PTPRT: variants seen among roughly 807,000 people sequenced by gnomAD.
The protein encoded by PTPRT is protein tyrosine phosphatase receptor type T, also known as receptor-type tyrosine-protein phosphatase T.
A neutral mutation model predicts 176.8 loss-of-function variants in PTPRT; 56 were observed. That is an observed-to-expected ratio of 0.32 (90% CI 0.26 to 0.40). The LOEUF (loss-of-function observed/expected upper bound fraction) is 0.40. Among genes scored for constraint, PTPRT ranks in the 10% least tolerant of loss-of-function variants. The pLI is 1.00. For synonymous variants in PTPRT, 783 were observed against 739.0 expected, an observed-to-expected ratio of 1.06 and a Z score of -0.96; for missense variants, 1,540 against 1,908.2, an observed-to-expected ratio of 0.81 and a Z score of 3.60.
intron 1 of PTPRT, among the ~76,000 whole-genome samples, chr20:42,983,093 C>T (rs1983373414): frequency 6.6e-6 from 1 of 152,222 alleles, no homozygotes; most frequent in South Asian, 2.1e-4. Context: ...CACTTCCCCA[C>T]TGGGTGCTTT....
intron 16 of PTPRT, among the ~76,000 whole-genome samples, chr20:42,162,258 C>T (rs1989635025): frequency 6.6e-6 from 1 of 152,178 alleles, no homozygotes; most frequent in African/African-American, 2.4e-5. Flanking sequence ...GGGCCTCTTC[C>T]TTCAGTGCTG....
chr20:42,397,542 G>A (rs1298283287), intron 9 of PTPRT, among the ~76,000 whole-genome samples: 1 of 152,180 alleles, frequency 6.6e-6, no homozygotes, highest in Non-Finnish European at 1.5e-5. Flanking sequence ...CCATTTATAA[G>A]TGAGAACATT....
rs1488326709 is a variant in PTPRT, at chr20:42,610,659, CTGT to C, written c.1153+67204_1153+67206del. 1.1e-4 allele frequency among the ~76,000 whole-genome samples: 17 copies of C among 152,096 alleles called. No homozygotes were observed. In the South Asian group the frequency reaches 3.3e-3, roughly 30 times the overall value. On this transcript the variant is annotated intron_variant, in intron 7 of 30. Coordinates refer to ENST00000373187, the MANE Select transcript of PTPRT (RefSeq NM_007050.6). The stretch of plus-strand genomic sequence containing the variant: ...TGTGTCAGGCACATTTTTTCTTTTT[CTGT>C]TGTTGTTGTGGGGGATAACACCCTT...
intron 1 of PTPRT, among the ~76,000 whole-genome samples, chr20:43,114,877 G>C (rs1266267422): frequency 6.6e-6 from 1 of 152,088 alleles, no homozygotes; most frequent in East Asian, 1.9e-4. Context: ...TATTAATGGA[G>C]TGGGAAGCCT....
rs1175548682 is a variant in PTPRT, at chr20:42,472,152, G to A, written c.1450+114C>T. 3.4e-6 allele frequency: 4 copies of A among 1,185,870 alleles called. No individual in the cohort carries two copies. The Admixed American group carries it at 7.2e-5, about 21-fold the overall frequency. The allele number at this position is 1,185,870 out of a possible 1,614,324, so 73.5% of individuals were successfully genotyped here. A position where few individuals can be genotyped will look rare whatever the true frequency, so the allele number is the denominator to read the frequency against. On this transcript the variant is annotated intron_variant, in intron 8 of 30. Transcript: ENST00000373187. ...ATTGAAGGCCTAAGAAAAGAAAGGT[G>A]TGTGTGAGGGAATTAAAAATGTAGG...
At chr20:42,916,879 A>C (rs2145944683) in intron 1 of PTPRT, among the ~76,000 whole-genome samples, 1 of 152,276 alleles carries the variant, frequency 6.6e-6, no homozygotes, top group Non-Finnish European at 1.5e-5. Flanking sequence ...TCAGATGAGT[A>C]GGTTGCAAAA....
chr20:42,090,684 C>G (rs912191151), intron 27 of PTPRT, among the ~76,000 whole-genome samples: 3 of 152,160 alleles, frequency 2.0e-5, no homozygotes, highest in Admixed American at 6.5e-5. Flanking sequence ...ACGTAAGCAT[C>G]TGCGATTTAT....
At chr20:42,632,626 AT>A (rs1252577005) in intron 7 of PTPRT, among the ~76,000 whole-genome samples, 1 of 150,336 alleles carries the variant, frequency 6.7e-6, no homozygotes, top group Non-Finnish European at 1.5e-5. Context: ...TGTATTACTA[AT>A]TTTATATATT....
chr20:42,409,481 C>CAA lies in PTPRT; in HGVS notation c.1560+38737_1560+38738dup, dbSNP rs58932390. 7.7e-4 allele frequency among the ~76,000 whole-genome samples: 86 copies of CAA among 112,142 alleles called. 5 individuals are homozygous for CAA. Among genetic ancestry groups the CAA allele is most frequent in the East Asian group, 2.1e-3 (7 of 3,324 alleles). The allele number at this position is 112,142 out of a possible 152,430, so 73.6% of individuals were successfully genotyped here. A position where few individuals can be genotyped will look rare whatever the true frequency, so the allele number is the denominator to read the frequency against. ...TGGGCAACAGAACGAGACTCTGTCG[C>CAA]AAAAAAAAAAAAAAAAAAAAAAAAA... On this transcript the variant is annotated intron_variant, in intron 9 of 30. Coordinates refer to ENST00000373187, the MANE Select transcript of PTPRT (RefSeq NM_007050.6).
intron 1 of PTPRT, among the ~76,000 whole-genome samples, chr20:42,917,721 C>G (rs1468618192): frequency 6.6e-6 from 1 of 152,086 alleles, no homozygotes; most frequent in Admixed American, 6.6e-5. Flanking sequence ...GATGAGACAG[C>G]TACTACTGCC....
At chr20:42,686,961 T>G (rs2075707546) in intron 6 of PTPRT, among the ~76,000 whole-genome samples, 2 of 152,200 alleles carry the variant, frequency 1.3e-5, no homozygotes, top group Non-Finnish European at 2.9e-5. Flanking sequence ...TTACTTAACC[T>G]CTTTGTGTCT....
intron 7 of PTPRT, among the ~76,000 whole-genome samples, chr20:42,562,313 A>G (rs145679008): frequency 6.6e-6 from 1 of 152,310 alleles, no homozygotes; most frequent in African/African-American, 2.4e-5. Flanking sequence ...CAACATGAGT[A>G]GTTTTGCCTG....
At chr20:42,896,042 G>A (rs968794896) in intron 1 of PTPRT, among the ~76,000 whole-genome samples, 3 of 152,104 alleles carry the variant, frequency 2.0e-5, no homozygotes, top group Non-Finnish European at 2.9e-5. Flanking sequence ...CTAGCCCTAC[G>A]GATAAGGGAT....
chr20:42,440,345 G>A (rs2059301512), intron 9 of PTPRT, among the ~76,000 whole-genome samples: 1 of 152,142 alleles, frequency 6.6e-6, no homozygotes, highest in South Asian at 2.1e-4. Flanking sequence ...ATTGCCCCTT[G>A]CTAGGATAGA....
At chr20:43,138,291 G>C (rs1392158421) in intron 1 of PTPRT, among the ~76,000 whole-genome samples, 1 of 152,222 alleles carries the variant, frequency 6.6e-6, no homozygotes, top group Non-Finnish European at 1.5e-5. Context: ...AGCCAACCGA[G>C]TAGGCCAGAG....
chr20:42,686,695 T>C (rs985819199), intron 6 of PTPRT, among the ~76,000 whole-genome samples: 1 of 151,892 alleles, frequency 6.6e-6, no homozygotes, highest in African/African-American at 2.4e-5. Context: ...GGTTTCACCA[T>C]GTTGGCCAGG....
intron 7 of PTPRT, among the ~76,000 whole-genome samples, chr20:42,537,284 G>A (rs2145565509): frequency 6.6e-6 from 1 of 152,220 alleles, no homozygotes; most frequent in African/African-American, 2.4e-5. Flanking sequence ...AATGGACATA[G>A]TATTACCTGA....
At chr20:42,971,863 A>G (rs76843136) in intron 1 of PTPRT, among the ~76,000 whole-genome samples, 1 of 152,064 alleles carries the variant, frequency 6.6e-6, no homozygotes, top group Non-Finnish European at 1.5e-5. Flanking sequence ...AGCACCTACT[A>G]TGAGGTAAGC....
intron 9 of PTPRT, among the ~76,000 whole-genome samples, chr20:42,371,523 G>A (rs1360577323): frequency 6.6e-6 from 1 of 152,190 alleles, no homozygotes; most frequent in Non-Finnish European, 1.5e-5. Context: ...ACTCAGACAA[G>A]ACTCTAAGCA....
Sources: gnomAD v4.1 joint callset for allele counts (sites outside exome capture counted in the v4.1 genomes callset) on GRCh38, gnomAD v4.1.1 for gene constraint, MANE v1.5 for transcripts, NCBI Gene and HGNC (gene_info 2026-07-23, HGNC 2026-07-21) for gene names.